The following ARMH3 variants were observed in gnomAD, a reference collection of about 807,000 sequenced individuals.
ARMH3 encodes the protein armadillo like helical domain containing 3.
ARMH3 carries 60 observed loss-of-function variants against 99.1 expected under a neutral mutation model. The observed-to-expected ratio is 0.61, with a 90% CI of 0.49 to 0.75. The LOEUF (loss-of-function observed/expected upper bound fraction) is 0.75, where lower values mean the gene tolerates loss of function less well. Ranked by LOEUF, ARMH3 falls within the 30% of genes least tolerant of loss-of-function variation. ARMH3 has a pLI of 0.00. For missense variants in ARMH3, 679 were observed against 843.1 expected, an observed-to-expected ratio of 0.81 and a Z score of 2.41; for synonymous variants, 285 against 292.8, an observed-to-expected ratio of 0.97 and a Z score of 0.27.
At chr10:102,014,311 T>C (rs557000838) in intron 8 of ARMH3, among the ~76,000 whole-genome samples, 20 of 152,346 alleles carry the variant, frequency 1.3e-4, no homozygotes, top group African/African-American at 4.8e-4. Context: ...ACTTCTACGA[T>C]CTTTCCCTCT....
chr10:101,864,082 C>A (rs549911705), intron 24 of ARMH3, among the ~76,000 whole-genome samples: 4 of 131,416 alleles, frequency 3.0e-5, no homozygotes, highest in African/African-American at 5.9e-5. Flanking sequence ...AAAAAAAACA[C>A]ACACACACAC....
chr10:102,048,991 TCTCA>T (rs1339045831), intron 1 of ARMH3, among the ~76,000 whole-genome samples: 3 of 151,308 alleles, frequency 2.0e-5, no homozygotes, highest in South Asian at 4.1e-4. Flanking sequence ...CTAATATGCC[TCTCA>T]CTTTCTTTTT....
At chr10:102,039,782 T>C (rs1487193486) in intron 2 of ARMH3, among the ~76,000 whole-genome samples, 2 of 152,200 alleles carry the variant, frequency 1.3e-5, no homozygotes, top group Admixed American at 6.6e-5. Context: ...TTGTTTTACC[T>C]GGCTCATGGC....
At chr10:101,939,022 C>A (rs1476310492) in intron 23 of ARMH3, among the ~76,000 whole-genome samples, 1 of 152,176 alleles carries the variant, frequency 6.6e-6, no homozygotes, top group East Asian at 1.9e-4. Context: ...AAAAAAATCA[C>A]AGACCAGCTT....
At chr10:101,961,137 C>A (rs1845282142) in intron 20 of ARMH3, among the ~76,000 whole-genome samples, 1 of 152,170 alleles carries the variant, frequency 6.6e-6, no homozygotes, top group Non-Finnish European at 1.5e-5. Flanking sequence ...TTTAATACCT[C>A]ATTATCGCCT....
chr10:102,020,528 A>G (rs1021721339), intron 8 of ARMH3, among the ~76,000 whole-genome samples: 4 of 152,092 alleles, frequency 2.6e-5, no homozygotes, highest in African/African-American at 9.7e-5. Flanking sequence ...TACTAAAAAT[A>G]CAAAAAAATT....
chr10:101,930,313 T>C (rs952378261), intron 23 of ARMH3, among the ~76,000 whole-genome samples: 5 of 152,092 alleles, frequency 3.3e-5, no homozygotes, highest in African/African-American at 1.2e-4. Context: ...AAGGACTTTC[T>C]TCAACCTGAT....
At chr10:101,907,386 T>G (rs933219146) in intron 23 of ARMH3, among the ~76,000 whole-genome samples, 62 of 135,868 alleles carry the variant, frequency 4.6e-4, no homozygotes, top group East Asian at 3.9e-3. Context: ...TTTGTTTTTG[T>G]TTTTTTTTTT....
At chr10:101,860,241 T>TATATAGATATAG (rs150682758) in intron 24 of ARMH3, among the ~76,000 whole-genome samples, 1 of 152,146 alleles carries the variant, frequency 6.6e-6, no homozygotes, top group African/African-American at 2.4e-5. Context: ...GGAGATGATA[T>TATATAGATATAG]ATATAGATAT....
chr10:102,049,713 G>A (rs1250391181), intron 1 of ARMH3, among the ~76,000 whole-genome samples: 2 of 151,466 alleles, frequency 1.3e-5, no homozygotes, highest in Non-Finnish European at 2.9e-5. Context: ...ATGCCACCAG[G>A]CCTGGCTAAC....
At chr10:101,879,306 CTCATCTATAAAATGATAAGTACA>C (rs1321214666) in intron 24 of ARMH3, among the ~76,000 whole-genome samples, 1 of 151,870 alleles carries the variant, frequency 6.6e-6, no homozygotes, top group Non-Finnish European at 1.5e-5. Context: ...CTTTAGTGTA[CTCATCTATAAAATGATAAGTACA>C]TCTACCCCAA....
Position 101,845,940 on chromosome 10 carries a change from A to G in ARMH3, c.*1588T>C, listed in dbSNP as rs979160167. 1 of 152,196 alleles carries G rather than the reference A, an allele frequency of 6.6e-6. No homozygotes were observed. The highest frequency in any genetic ancestry group is 2.4e-5 in the African/African-American group (1 of 41,430). 9.4% of individuals were successfully genotyped at this position (152,196 alleles called of 1,614,324 possible). A position where few individuals can be genotyped will look rare whatever the true frequency, so the allele number is the denominator to read the frequency against. On this transcript the variant is annotated 3_prime_UTR_variant, in exon 26 of 26. Transcript: ENST00000370033. The stretch of plus-strand genomic sequence containing the variant: ...GCTGAATTCCTGCACTTACTCCTAG[A>G]ATATACCAGTGCTGTTTGCTCCCGC...
intron 24 of ARMH3, among the ~76,000 whole-genome samples, chr10:101,851,827 C>A (rs2066607633): frequency 6.6e-6 from 1 of 152,214 alleles, no homozygotes; most frequent in Non-Finnish European, 1.5e-5. Flanking sequence ...TGGTGTGTCC[C>A]ACAGACTGTA....
chr10:101,938,642 T>G (rs1233907951), intron 23 of ARMH3, among the ~76,000 whole-genome samples: 1 of 152,262 alleles, frequency 6.6e-6, no homozygotes, highest in Non-Finnish European at 1.5e-5. Context: ...CCCACATTTG[T>G]CATGCTGCCC....
intron 20 of ARMH3, among the ~76,000 whole-genome samples, chr10:101,961,596 G>A (rs557648960): frequency 1.7e-3 from 266 of 152,264 alleles, no homozygotes; most frequent in Non-Finnish European, 2.8e-3. Context: ...CCTGTGTCAG[G>A]AGCAGTTTCA....
At chr10:101,929,233 A>C (rs994917217) in intron 23 of ARMH3, among the ~76,000 whole-genome samples, 1 of 152,204 alleles carries the variant, frequency 6.6e-6, no homozygotes, top group African/African-American at 2.4e-5. Flanking sequence ...ATAAAGCTCA[A>C]TATGCAGACC....
intron 22 of ARMH3, among the ~76,000 whole-genome samples, chr10:101,952,237 G>T (rs1029965623): frequency 3.3e-5 from 5 of 152,216 alleles, no homozygotes; most frequent in Admixed American, 1.3e-4. Flanking sequence ...ATCAAGGTTA[G>T]TATCATCAGT....
chr10:101,992,120 A>C, intron 17 of ARMH3, 82 bp from the exon 18 acceptor site: 2 of 1,141,964 alleles, frequency 1.8e-6, no homozygotes, highest in Non-Finnish European at 2.7e-6. Context: ...TTCCTTGTGC[A>C]AATAAAATCA....
At chr10:101,988,264 G>C (rs367903504) in intron 19 of ARMH3, among the ~76,000 whole-genome samples, 1 of 152,160 alleles carries the variant, frequency 6.6e-6, no homozygotes, top group Non-Finnish European at 1.5e-5. Flanking sequence ...AATCTCCTGA[G>C]CCTCAGTTTC....
Sources: allele counts gnomAD v4.1 joint callset (sites outside exome capture counted in the v4.1 genomes callset), GRCh38; gene constraint gnomAD v4.1.1; transcripts MANE v1.5; gene names NCBI Gene and HGNC (gene_info 2026-07-23, HGNC 2026-07-21).